The following PSMF1 variants were observed in gnomAD, a reference collection of about 807,000 sequenced individuals.
PSMF1 encodes proteasome inhibitor PI31 subunit.
PSMF1 carries 30 observed loss-of-function variants against 29.3 expected under a neutral mutation model. The observed-to-expected ratio is 1.02, with a 90% CI of 0.77 to 1.39. The LOEUF (loss-of-function observed/expected upper bound fraction) is 1.39. PSMF1 is among the 40% of genes most tolerant of loss of function. PSMF1 has a pLI of 0.00. For missense variants in PSMF1, 344 were observed against 357.5 expected (o/e 0.96, Z 0.31); for synonymous variants, 134 against 139.7 (o/e 0.96, Z 0.29).
In PSMF1 at chr20:1,164,247, A is replaced by G; in HGVS notation, c.606-71A>G. 6 of 1,465,596 alleles carry G rather than the reference A, an allele frequency of 4.1e-6. No individual in the cohort carries two copies. The highest frequency in any genetic ancestry group is 4.8e-6 in the Non-Finnish European group (5 of 1,047,580). 90.8% of individuals were successfully genotyped at this position (1,465,596 alleles called of 1,614,324 possible). A position where few individuals can be genotyped will look rare whatever the true frequency, so the allele number is the denominator to read the frequency against. On this transcript the variant is annotated intron_variant, in intron 5 of 6. Coordinates refer to ENST00000335877, the MANE Select transcript of PSMF1 (RefSeq NM_006814.5). This position sits in a 1 kb window ranked among gnomAD's most constrained non-coding sequence, Gnocchi z 4.1. ...ATCCCAGCCATTCTTGGTGCATTGTAACCTCCCTCGCCTTTTCTCCAAGGG... is the reference window on the plus strand; with the variant it reads ...ATCCCAGCCATTCTTGGTGCATTGTGACCTCCCTCGCCTTTTCTCCAAGGG...
intron 1 of PSMF1, among the ~76,000 whole-genome samples, chr20:1,124,734 A>G (rs1032689918): frequency 1.3e-5 from 2 of 152,272 alleles, no homozygotes; most frequent in African/African-American, 2.4e-5. Flanking sequence ...AAATGCATTG[A>G]CATGGATACA....
Position 1,161,269 on chromosome 20 carries a change from C to T in PSMF1, c.552-1861C>T, listed in dbSNP as rs1273570077. 12 of 320,736 alleles carry T rather than the reference C, an allele frequency of 3.7e-5. 1 individual carries two copies. The East Asian group carries it at 8.4e-4, about 23-fold the overall frequency. The allele number at this position is 320,736 out of a possible 1,614,324, so 19.9% of individuals were successfully genotyped here. A position where few individuals can be genotyped will look rare whatever the true frequency, so the allele number is the denominator to read the frequency against. On this transcript the variant is annotated intron_variant, in intron 4 of 6. Coordinates refer to ENST00000335877, the MANE Select transcript of PSMF1 (RefSeq NM_006814.5). ...CAGGAGATGGCCACCGCTATGTCAT[C>T]CTTCTCCCTGGAGAAAAGCTACAAA...
At chr20:1,138,757 C>G (rs1397461357) in intron 4 of PSMF1, among the ~76,000 whole-genome samples, 2 of 150,024 alleles carry the variant, frequency 1.3e-5, no homozygotes, top group Non-Finnish European at 3.0e-5. Flanking sequence ...CCTGGGAGGT[C>G]AAGGCTGCAG....
intron 3 of PSMF1, among the ~76,000 whole-genome samples, chr20:1,133,568 T>C (rs1276331651): frequency 2.1e-5 from 2 of 93,762 alleles, no homozygotes; most frequent in Non-Finnish European, 4.4e-5. Flanking sequence ...TATATATATA[T>C]ATTTTTTTTT....
chr20:1,126,878 C>T (rs1600143475), intron 2 of PSMF1, among the ~76,000 whole-genome samples: 1 of 151,964 alleles, frequency 6.6e-6, no homozygotes. Context: ...GCCTCTGTCT[C>T]AAAACAAAAC....
intron 1 of PSMF1, among the ~76,000 whole-genome samples, chr20:1,124,793 T>A (rs2086133521): frequency 6.6e-6 from 1 of 152,232 alleles, no homozygotes; most frequent in African/African-American, 2.4e-5. Context: ...AGTGATGCTG[T>A]GTATTTAAAA....
intron 2 of PSMF1, chr20:1,126,029 T>G (rs1192799995): frequency 2.2e-6 from 1 of 452,944 alleles, no homozygotes. Flanking sequence ...GGAAGGCTCT[T>G]CCCCTCCCCC....
chr20:1,115,473 G>T (rs6077792), upstream of PSMF1, among the ~76,000 whole-genome samples: 41,172 of 152,124 alleles, frequency 0.27, 5,839 homozygotes, highest in Middle Eastern at 0.31. Context: ...CTGTCATCAT[G>T]TACCAGCAAT....
chr20:1,139,738 C>T (rs897003313), intron 4 of PSMF1, among the ~76,000 whole-genome samples: 3 of 84,770 alleles, frequency 3.5e-5, no homozygotes, highest in Admixed American at 1.2e-4. Flanking sequence ...GAGCGAGACT[C>T]CATCTCAAAA....
At chr20:1,119,626 T>G (rs2086058902) in intron 1 of PSMF1, among the ~76,000 whole-genome samples, 1 of 152,154 alleles carries the variant, frequency 6.6e-6, no homozygotes, top group South Asian at 2.1e-4. Context: ...ATCCCCAGGC[T>G]CCACCTCTTA....
chr20:1,159,407 C>G (rs2086638253), intron 4 of PSMF1, among the ~76,000 whole-genome samples: 2 of 152,132 alleles, frequency 1.3e-5, no homozygotes, highest in African/African-American at 4.8e-5. Context: ...GTGATTTGCC[C>G]ACCTCAGGCC....
intron 2 of PSMF1, 49 bp from the exon 3 acceptor site, chr20:1,127,377 C>G: frequency 6.9e-7 from 1 of 1,441,374 alleles, no homozygotes. Flanking sequence ...CCCTCCCACT[C>G]TTAGCCAGAA....
At chr20:1,125,234 A>T (rs1259199538) in intron 1 of PSMF1, among the ~76,000 whole-genome samples, 1 of 152,160 alleles carries the variant, frequency 6.6e-6, no homozygotes, top group Non-Finnish European at 1.5e-5. Flanking sequence ...ATAATTATTA[A>T]ACCAACACTG....
chr20:1,118,711 A>G lies in PSMF1; in HGVS notation c.-63A>G. 2.6e-6 allele frequency: 4 copies of G among 1,540,342 alleles called. No individual in the cohort carries two copies. The highest frequency in any genetic ancestry group is 3.5e-6 in the Non-Finnish European group (4 of 1,134,164). On this transcript the variant is annotated 5_prime_UTR_variant, in exon 1 of 7. Transcript: ENST00000335877. ...AGAGTTATAGCTACCCCGGCCGCGG[A>G]GCCGGCTCACTGCACTACCCCCGCC...
rs11087015 is a variant in PSMF1, at chr20:1,133,559, A to G, written c.366-1562A>G. Among the ~76,000 whole-genome samples the G allele has an allele frequency of 1.0e-3, 49 of 48,620 alleles. 1 individual carries two copies. Among genetic ancestry groups the G allele is most frequent in the Admixed American group, 5.8e-3 (30 of 5,154 alleles). 31.9% of individuals were successfully genotyped at this position (48,620 alleles called of 152,430 possible). On this transcript the variant is annotated intron_variant, in intron 3 of 6. Transcript: ENST00000335877. Reference sequence around the variant, plus strand: ...GATATACTAGTCTATATATGTGTATATATATATATATTTTTTTTTTTTTTT... The same window carrying G: ...GATATACTAGTCTATATATGTGTATGTATATATATATTTTTTTTTTTTTTT...
In PSMF1 at chr20:1,171,135, A is replaced by C. The variant is rs567389761; in HGVS notation, c.*6055A>C. On this transcript the variant is annotated 3_prime_UTR_variant, in exon 7 of 7. Coordinates refer to ENST00000335877, the MANE Select transcript of PSMF1 (RefSeq NM_006814.5). ...GTGTGAGAAAGGAGTGATGCTTCAT[A>C]ATCCCCAGGATGGTCTTAAGGCTCC... Among the ~76,000 whole-genome samples, 7 of 152,192 alleles carry C rather than the reference A, an allele frequency of 4.6e-5. No individual in the cohort carries two copies. The East Asian group carries it at 9.7e-4, about 21-fold the overall frequency.
At chr20:1,161,235 G>T in intron 4 of PSMF1, 1 of 316,248 alleles carries the variant, frequency 3.2e-6, no homozygotes. Flanking sequence ...CGTCGCCCCG[G>T]ACTTTGAGCA....
At chr20:1,122,000 C>T (rs2086093794) in intron 1 of PSMF1, among the ~76,000 whole-genome samples, 1 of 152,120 alleles carries the variant, frequency 6.6e-6, no homozygotes, top group African/African-American at 2.4e-5. Flanking sequence ...GAGAAAATGC[C>T]CAAAATGATC....
At position 1,167,604 on chromosome 20, in the gene PSMF1, T is replaced by A. The variant is rs1168829759; in HGVS notation, c.*2524T>A. 6.6e-6 allele frequency: 1 copy of A among 151,708 alleles called. No homozygotes were observed. Among genetic ancestry groups the A allele is most frequent in the Non-Finnish European group, 1.5e-5 (1 of 67,968 alleles). The allele number at this position is 151,708 out of a possible 1,614,324, so 9.4% of individuals were successfully genotyped here. ...GGACAGTTCTCATAAGTGGAATCAC[T>A]CAGTATTATGGCCTTTTGTGTCTGG... On this transcript the variant is annotated 3_prime_UTR_variant, in exon 7 of 7. Coordinates refer to ENST00000335877, the MANE Select transcript of PSMF1 (RefSeq NM_006814.5).
Sources: allele counts gnomAD v4.1 joint callset (sites outside exome capture counted in the v4.1 genomes callset), GRCh38; gene constraint gnomAD v4.1.1; non-coding constraint Gnocchi (gnomAD v3.1); transcripts MANE v1.5; gene names NCBI Gene and HGNC (gene_info 2026-07-23, HGNC 2026-07-21).